Variants in MAST2 observed in about 807,000 individuals in gnomAD.
MAST2 encodes microtubule-associated serine/threonine-protein kinase 2.
In MAST2, 70 loss-of-function variants were observed where a neutral mutation model predicts 147.4. The ratio of observed to expected loss-of-function variants is 0.47; its 90% CI spans 0.39 to 0.58. The LOEUF (loss-of-function observed/expected upper bound fraction) is 0.58. Ranked by LOEUF, MAST2 falls within the 20% of genes least tolerant of loss-of-function variation. MAST2 has a pLI of 0.00. For synonymous variants in MAST2, 869 were observed against 896.8 expected, an observed-to-expected ratio of 0.97 and a Z score of 0.55; for missense variants, 2,080 against 2,302.3, an observed-to-expected ratio of 0.90 and a Z score of 1.98.
At chr1:45,838,222 T>C (rs1645164679) in intron 3 of MAST2, among the ~76,000 whole-genome samples, 2 of 43,402 alleles carry the variant, frequency 4.6e-5, no homozygotes, top group South Asian at 1.4e-3. Context: ...ATTCTTTTTT[T>C]TTTTTTTTTT....
At chr1:45,972,417 A>C (rs922897238) in intron 5 of MAST2, among the ~76,000 whole-genome samples, 8 of 152,226 alleles carry the variant, frequency 5.3e-5, no homozygotes, top group Non-Finnish European at 1.2e-4. Context: ...ATAAGGAAGA[A>C]GAATCTGTGG....
At chr1:45,996,221 G>T (rs1238098779) in intron 5 of MAST2, among the ~76,000 whole-genome samples, 2 of 151,720 alleles carry the variant, frequency 1.3e-5, no homozygotes, top group African/African-American at 4.8e-5. Context: ...GTCATTGTAG[G>T]ATGCTCATGT....
intron 10 of MAST2, among the ~76,000 whole-genome samples, chr1:46,014,442 T>A (rs1304975602): frequency 6.6e-6 from 1 of 151,108 alleles, no homozygotes; most frequent in Admixed American, 6.6e-5. Context: ...TTTTTGTTCT[T>A]GCGATAGTTT....
chr1:45,902,717 G>C (rs1649992373), intron 4 of MAST2, among the ~76,000 whole-genome samples: 1 of 151,768 alleles, frequency 6.6e-6, no homozygotes, highest in Non-Finnish European at 1.5e-5. Context: ...TTAAGAGTTT[G>C]TGTGTTTTGA....
At chr1:45,901,028 G>T (rs1408460926) in intron 4 of MAST2, among the ~76,000 whole-genome samples, 1 of 151,796 alleles carries the variant, frequency 6.6e-6, no homozygotes, top group Non-Finnish European at 1.5e-5. Flanking sequence ...GTCCATTTTC[G>T]TTTTGGTCAT....
chr1:46,008,513 G>A (rs901210119), intron 9 of MAST2, 142 bp downstream of exon 9: 14 of 633,630 alleles, frequency 2.2e-5, no homozygotes, highest in Admixed American at 2.0e-4. Context: ...TCAGCCAGGA[G>A]GCTGTGGACA....
At chr1:45,868,265 AT>A in intron 3 of MAST2, among the ~76,000 whole-genome samples, 1 of 152,188 alleles carries the variant, frequency 6.6e-6, no homozygotes, top group Non-Finnish European at 1.5e-5. Context: ...AGGTGCTTTT[AT>A]ACTTGCCCTG....
chr1:45,902,268 T>C (rs911676469), intron 4 of MAST2, among the ~76,000 whole-genome samples: 4 of 152,234 alleles, frequency 2.6e-5, no homozygotes, highest in Admixed American at 2.6e-4. Flanking sequence ...TTATTCTGTT[T>C]ATGTGGTGAA....
chr1:45,957,854 G>A (rs971574645), intron 4 of MAST2, among the ~76,000 whole-genome samples: 1 of 152,178 alleles, frequency 6.6e-6, no homozygotes, highest in South Asian at 2.1e-4. Flanking sequence ...GTCACTCTAA[G>A]TTCCCAGGTG....
At chr1:46,034,287 A>C (rs755167375) in intron 28 of MAST2, 21 bp downstream of exon 28, 1 of 1,599,476 alleles carries the variant, frequency 6.3e-7, no homozygotes, top group Non-Finnish European at 8.5e-7. Context: ...CTCCCTGCAG[A>C]TCAGTGACAA....
intron 5 of MAST2, among the ~76,000 whole-genome samples, chr1:45,989,761 G>C (rs11211243): frequency 0.34 from 51,449 of 151,772 alleles, 9,086 homozygotes; most frequent in African/African-American, 0.43. Context: ...TTTCCCGCTG[G>C]CACCATTGAT....
At chr1:45,963,975 A>G (rs1660804249) in intron 5 of MAST2, among the ~76,000 whole-genome samples, 1 of 152,140 alleles carries the variant, frequency 6.6e-6, no homozygotes, top group Admixed American at 6.5e-5. Context: ...TGAGATAATC[A>G]TGTGGTTTTT....
intron 17 of MAST2, among the ~76,000 whole-genome samples, chr1:46,028,264 C>T (rs911349520): frequency 8.5e-5 from 13 of 152,210 alleles, no homozygotes; most frequent in Non-Finnish European, 1.0e-4. Context: ...CACAGAGTTT[C>T]ATATGAGATC....
intron 25 of MAST2, 29 bp downstream of exon 25, chr1:46,032,433 TC>T (rs963621856): frequency 1.9e-6 from 3 of 1,609,744 alleles, no homozygotes; most frequent in Non-Finnish European, 2.5e-6. Flanking sequence ...ACCTGCTGTC[TC>T]CCTGCTTCAT....
chr1:45,977,430 A>G (rs1291472027), intron 5 of MAST2, among the ~76,000 whole-genome samples: 16 of 143,534 alleles, frequency 1.1e-4, no homozygotes, highest in Admixed American at 6.9e-4. Flanking sequence ...GGAGGTTGCA[A>G]TGAGCCGAGG....
At chr1:46,010,175 C>G (rs1049450103) in intron 9 of MAST2, among the ~76,000 whole-genome samples, 1 of 152,204 alleles carries the variant, frequency 6.6e-6, no homozygotes, top group Non-Finnish European at 1.5e-5. Context: ...ATGAAACTCT[C>G]TCTCACTTAA....
chr1:45,974,960 A>C (rs1377683461), intron 5 of MAST2, among the ~76,000 whole-genome samples: 2 of 152,224 alleles, frequency 1.3e-5, no homozygotes, highest in African/African-American at 4.8e-5. Context: ...TTTAGCAAGG[A>C]GGAGTAATGG....
chr1:45,940,683 G>A (rs1225439112), intron 4 of MAST2, among the ~76,000 whole-genome samples: 2 of 150,932 alleles, frequency 1.3e-5, no homozygotes, highest in South Asian at 2.1e-4. Flanking sequence ...GCAGTGGCGC[G>A]ATCTCGGCTC....
chr1:45,889,677 C>T (rs1647375265), intron 4 of MAST2, among the ~76,000 whole-genome samples: 1 of 151,996 alleles, frequency 6.6e-6, no homozygotes, highest in Admixed American at 6.6e-5. Flanking sequence ...GCAATCTTGG[C>T]TCACTGCAAC....
Sources: allele counts gnomAD v4.1 joint callset (sites outside exome capture counted in the v4.1 genomes callset), GRCh38; gene constraint gnomAD v4.1.1; transcripts MANE v1.5; gene names NCBI Gene and HGNC (gene_info 2026-07-23, HGNC 2026-07-21).